COL4A5: variants seen among roughly 807,000 people sequenced by gnomAD.
COL4A5 encodes collagen type IV alpha 5 chain, also known as collagen alpha-5(IV) chain.
Under a neutral mutation model 130.2 loss-of-function variants are expected in COL4A5, and 26 were observed. The observed-to-expected ratio is 0.20, with a 90% CI of 0.15 to 0.28. The LOEUF (loss-of-function observed/expected upper bound fraction) is 0.28, where lower values mean the gene tolerates loss of function less well. COL4A5 is among the 10% of genes least tolerant of loss of function. The pLI is 1.00. For synonymous variants in COL4A5, 496 were observed against 439.6 expected (o/e 1.13, Z -1.60); for missense variants, 1,131 against 1,344.3 (o/e 0.84, Z 2.48).
rs762447831 is a variant in COL4A5 at position 108,669,972 on chromosome X, G to A, written c.3791-256G>A. 9.0e-5 allele frequency: 32 copies of A among 354,337 alleles called. 1 individual carries two copies. The highest frequency in any genetic ancestry group is 7.1e-4 in the African/African-American group (27 of 38,117). 29.2% of individuals were successfully genotyped at this position (354,337 alleles called of 1,213,427 possible). On this transcript the variant is annotated intron_variant, in intron 41 of 52. Coordinates refer to ENST00000328300, the MANE Select transcript of COL4A5 (RefSeq NM_033380.3). ...TGAGCTCATAGTAATGATTATGATA[G>A]CAATGACTTTTGGCCTTTAAAAATA...
At chrX:108,457,143 C>A (rs2064592643) in intron 1 of COL4A5, among the ~76,000 whole-genome samples, 1 of 112,059 alleles carries the variant, frequency 8.9e-6, no homozygotes, top group South Asian at 3.7e-4. Flanking sequence ...AACGTTTGCT[C>A]CCACTTCCTC....
At chrX:108,629,035 A>T (rs1350757971) in intron 36 of COL4A5, among the ~76,000 whole-genome samples, 2 of 112,079 alleles carry the variant, frequency 1.8e-5, no homozygotes, top group African/African-American at 6.5e-5. Context: ...TAGGTTACTA[A>T]GGGAAAGTCT....
chrX:108,554,937 CTA>C (rs772188731), intron 2 of COL4A5, among the ~76,000 whole-genome samples: 25 of 112,305 alleles, frequency 2.2e-4, no homozygotes, highest in Non-Finnish European at 4.5e-4. Flanking sequence ...ATGATTTATT[CTA>C]TGTTAATTAT....
At position 108,665,723 on chromosome X, in the gene COL4A5, T is replaced by TG. The variant is rs1469141299; in HGVS notation, c.3454+137dup. On this transcript the variant is annotated intron_variant, in intron 38 of 52. Transcript: ENST00000328300. ...TAGTGTTCATTCACTTAACACTGCA[T>TG]GTGAGGTACAGAATGAATAACTTTT... 6.1e-6 allele frequency: 3 copies of TG among 493,927 alleles called. No individual in the cohort carries two copies. In the East Asian group the frequency reaches 1.1e-4, roughly 19 times the overall value. The allele number at this position is 493,927 out of a possible 1,213,427, so 40.7% of individuals were successfully genotyped here. A position where few individuals can be genotyped will look rare whatever the true frequency, so the allele number is the denominator to read the frequency against.
At position 108,630,978 on chromosome X, in the gene COL4A5, T is replaced by C. The variant is rs183612842; in HGVS notation, c.3246+4629T>C. 4.5e-5 allele frequency among the ~76,000 whole-genome samples: 5 copies of C among 111,925 alleles called. No individual in the cohort carries two copies. In the East Asian group the frequency reaches 1.1e-3, roughly 25 times the overall value. ...TCAGATGGTTGTAGATGTGTGGTGT[T>C]ATCTCTGAGGCCTCTGTTCTGTTCC... On this transcript the variant is annotated intron_variant, in intron 36 of 52. Coordinates refer to ENST00000328300, the MANE Select transcript of COL4A5 (RefSeq NM_033380.3).
intron 13 of COL4A5, among the ~76,000 whole-genome samples, chrX:108,579,329 C>T (rs971127216): frequency 2.7e-5 from 3 of 112,609 alleles, no homozygotes; most frequent in Non-Finnish European, 5.6e-5. Flanking sequence ...TGTTAAATCA[C>T]TTTGCAGCAC....
At chrX:108,629,725 A>T (rs890390444) in intron 36 of COL4A5, among the ~76,000 whole-genome samples, 2 of 111,604 alleles carry the variant, frequency 1.8e-5, no homozygotes, top group Non-Finnish European at 3.8e-5. Context: ...CAGGTTTGTT[A>T]CATATGTATA....
intron 2 of COL4A5, among the ~76,000 whole-genome samples, chrX:108,547,047 G>T (rs1382662902): frequency 9.0e-6 from 1 of 111,509 alleles, no homozygotes; most frequent in Non-Finnish European, 1.9e-5. Context: ...GTTTGCATTG[G>T]GTTCGAACTT....
chrX:108,563,652 T>C (rs1156908243), intron 3 of COL4A5, among the ~76,000 whole-genome samples: 4 of 111,689 alleles, frequency 3.6e-5, no homozygotes, highest in African/African-American at 6.5e-5. Context: ...GTTTGATTCA[T>C]ATGTCAGCGA....
chrX:108,515,372 G>A (rs1377404725), intron 1 of COL4A5, among the ~76,000 whole-genome samples: 1 of 111,849 alleles, frequency 8.9e-6, no homozygotes, highest in Non-Finnish European at 1.9e-5. Context: ...GTCAACAAGA[G>A]GCGAAGCAGC....
chrX:108,462,887 A>T (rs1353784265), intron 1 of COL4A5: 1 of 112,181 alleles, frequency 8.9e-6, no homozygotes, highest in African/African-American at 3.2e-5. Context: ...CTTAATTTGT[A>T]TGCACTCTTT....
chrX:108,582,523 G>A (rs970696167), intron 16 of COL4A5: 4 of 174,088 alleles, frequency 2.3e-5, no homozygotes, highest in African/African-American at 3.1e-5. Flanking sequence ...TAGGCTGCTG[G>A]TTTTCACCTT....
intron 2 of COL4A5, among the ~76,000 whole-genome samples, chrX:108,547,951 A>C (rs182264673): frequency 2.9e-3 from 328 of 112,092 alleles, no homozygotes; most frequent in African/African-American, 0.01. Flanking sequence ...TGCTAAGACC[A>C]TCAGAAAAGT....
In COL4A5 at chrX:108,612,022, T is replaced by A. The variant is rs751936691; in HGVS notation, c.2396-2889T>A. 3.6e-5 allele frequency among the ~76,000 whole-genome samples: 4 copies of A among 111,503 alleles called. No homozygotes were observed. The East Asian group carries it at 1.1e-3, about 31-fold the overall frequency. ...TTTAAAATCAATGTAATTTGCCATA[T>A]CAACAGAGTAAAGAAGAAAAACTGT... On this transcript the variant is annotated intron_variant, in intron 29 of 52. Coordinates refer to ENST00000328300, the MANE Select transcript of COL4A5 (RefSeq NM_033380.3).
chrX:108,635,764 C>T (rs1052251682), intron 36 of COL4A5, among the ~76,000 whole-genome samples: 8 of 112,033 alleles, frequency 7.1e-5, no homozygotes, highest in South Asian at 7.3e-4. Flanking sequence ...TGATTTTCAA[C>T]GTAGGTACCA....
At chrX:108,533,047 T>C (rs1690819348) in intron 1 of COL4A5, among the ~76,000 whole-genome samples, 2 of 111,492 alleles carry the variant, frequency 1.8e-5, no homozygotes, top group South Asian at 3.6e-4. Flanking sequence ...TCCTAAAATG[T>C]ATATGAAACC....
intron 47 of COL4A5, among the ~76,000 whole-genome samples, chrX:108,683,902 G>T (rs1022452667): frequency 9.0e-6 from 1 of 111,304 alleles, no homozygotes; most frequent in East Asian, 2.8e-4. Context: ...TTGCCTGATT[G>T]CCCTGGCCAG....
intron 50 of COL4A5, chrX:108,693,624 G>C (rs927159330): frequency 8.9e-6 from 1 of 112,834 alleles, no homozygotes; most frequent in Non-Finnish European, 1.9e-5. Context: ...TCGAGGTAGA[G>C]AGACCAGTTG....
chrX:108,649,093 A>C (rs886279632), intron 36 of COL4A5, among the ~76,000 whole-genome samples: 4 of 111,378 alleles, frequency 3.6e-5, no homozygotes, highest in Non-Finnish European at 7.5e-5. Context: ...TCTTTACACC[A>C]ACAGTGACCA....
Sources: gnomAD v4.1 joint callset for allele counts (sites outside exome capture counted in the v4.1 genomes callset) on GRCh38, gnomAD v4.1.1 for gene constraint, MANE v1.5 for transcripts, NCBI Gene and HGNC (gene_info 2026-07-23, HGNC 2026-07-21) for gene names.